ZNF804B: variants seen among roughly 807,000 people sequenced by gnomAD.
The protein encoded by ZNF804B is zinc finger protein 804B.
A neutral mutation model predicts 101.4 loss-of-function variants in ZNF804B; 80 were observed. The ratio of observed to expected loss-of-function variants is 0.79; its 90% CI spans 0.66 to 0.95. The LOEUF is 0.95. Ranked by LOEUF, ZNF804B falls within the 40% of genes least tolerant of loss-of-function variation. The pLI, the probability that ZNF804B is intolerant of heterozygous loss-of-function variation, is 0.00. For missense variants in ZNF804B, 1,673 were observed against 1,561.9 expected, an observed-to-expected ratio of 1.07 and a Z score of -1.20; for synonymous variants, 622 against 558.8, an observed-to-expected ratio of 1.11 and a Z score of -1.59.
In ZNF804B at chr7:88,903,942, A is replaced by C. The variant is rs1212258964; in HGVS notation, c.108+143858A>C. 2.6e-5 allele frequency among the ~76,000 whole-genome samples: 4 copies of C among 152,116 alleles called. No individual in the cohort carries two copies. The East Asian group carries it at 7.7e-4, about 29-fold the overall frequency. On this transcript the variant is annotated intron_variant, in intron 1 of 3. Transcript: ENST00000333190. ...AGTTTCTATTGTTGTGCAGAAGCTC[A>C]GAAAAAGAGCTTAACTAGGTCCCAC...
At chr7:89,168,453 ATTTT>A (rs1791175201) in intron 1 of ZNF804B, among the ~76,000 whole-genome samples, 1 of 152,026 alleles carries the variant, frequency 6.6e-6, no homozygotes, top group Non-Finnish European at 1.5e-5. Context: ...AAGATACTTA[ATTTT>A]TATTTATTTT....
intron 2 of ZNF804B, among the ~76,000 whole-genome samples, chr7:89,234,773 TAGC>T (rs926966758): frequency 1.9e-4 from 29 of 152,272 alleles, no homozygotes; most frequent in African/African-American, 7.0e-4. Context: ...TGACTTGAAT[TAGC>T]AGCCTCCTGG....
chr7:88,933,174 A>G (rs1792914939), intron 1 of ZNF804B, among the ~76,000 whole-genome samples: 1 of 151,952 alleles, frequency 6.6e-6, no homozygotes, highest in African/African-American at 2.4e-5. Flanking sequence ...ATGTCACATA[A>G]AGAGAATTAA....
At chr7:88,872,423 A>G (rs1474686910) in intron 1 of ZNF804B, among the ~76,000 whole-genome samples, 3 of 152,122 alleles carry the variant, frequency 2.0e-5, no homozygotes, top group African/African-American at 7.2e-5. Flanking sequence ...TCCCTAAAAG[A>G]AAAAAATAAA....
At chr7:88,786,056 G>T (rs965208895) in intron 1 of ZNF804B, among the ~76,000 whole-genome samples, 3 of 152,132 alleles carry the variant, frequency 2.0e-5, no homozygotes, top group Non-Finnish European at 4.4e-5. Context: ...TTTTGCTTAT[G>T]ATTGTACCCC....
At chr7:89,052,029 T>G (rs1355666841) in intron 1 of ZNF804B, among the ~76,000 whole-genome samples, 1 of 152,178 alleles carries the variant, frequency 6.6e-6, no homozygotes, top group Non-Finnish European at 1.5e-5. Context: ...ACTTAAAGGT[T>G]TTTTTGTTGT....
intron 1 of ZNF804B, among the ~76,000 whole-genome samples, chr7:88,767,784 G>A (rs1011898013): frequency 6.6e-6 from 1 of 152,130 alleles, no homozygotes; most frequent in African/African-American, 2.4e-5. Flanking sequence ...TTCTACTATT[G>A]TCCACTTATA....
chr7:89,264,568 A>C (rs1224904613), intron 2 of ZNF804B, among the ~76,000 whole-genome samples: 1 of 151,936 alleles, frequency 6.6e-6, no homozygotes, highest in African/African-American at 2.4e-5. Flanking sequence ...CTTCTGATTG[A>C]CTGTTTCTTC....
chr7:89,083,367 A>T (rs1012257818), intron 1 of ZNF804B, among the ~76,000 whole-genome samples: 1 of 151,820 alleles, frequency 6.6e-6, no homozygotes, highest in African/African-American at 2.4e-5. Flanking sequence ...ATCTGTTAAT[A>T]ATTTCTGTTC....
chr7:89,259,366 C>T (rs879684435), intron 2 of ZNF804B, among the ~76,000 whole-genome samples: 7 of 152,124 alleles, frequency 4.6e-5, no homozygotes, highest in Admixed American at 4.6e-4. Flanking sequence ...TTATGATTTC[C>T]TTGATTGGCT....
intron 1 of ZNF804B, among the ~76,000 whole-genome samples, chr7:88,827,837 A>G (rs1176113026): frequency 3.9e-5 from 6 of 152,132 alleles, no homozygotes; most frequent in East Asian, 3.9e-4. Flanking sequence ...CAAATAGTTA[A>G]TAAGTCTTGT....
At chr7:88,926,941 A>G (rs62464067) in intron 1 of ZNF804B, among the ~76,000 whole-genome samples, 14,076 of 81,912 alleles carry the variant, frequency 0.17, 1,539 homozygotes, top group African/African-American at 0.43. Flanking sequence ...GGTGGTGGGG[A>G]GCGGGGGGAA....
intron 1 of ZNF804B, among the ~76,000 whole-genome samples, chr7:88,782,105 G>C (rs537529782): frequency 9.4e-5 from 7 of 74,816 alleles, no homozygotes; most frequent in Admixed American, 3.3e-4. Flanking sequence ...GTGAGTGCGT[G>C]TGTGTGTGTG....
intron 1 of ZNF804B, among the ~76,000 whole-genome samples, chr7:88,877,926 G>A (rs192858864): frequency 1.7e-3 from 261 of 152,150 alleles, no homozygotes; most frequent in African/African-American, 5.7e-3. Flanking sequence ...TACAAAAATA[G>A]AGGTTTTGAG....
chr7:88,960,829 G>A (rs1301843010), intron 1 of ZNF804B, among the ~76,000 whole-genome samples: 1 of 151,278 alleles, frequency 6.6e-6, no homozygotes, highest in African/African-American at 2.4e-5. Flanking sequence ...ACATGGTGTA[G>A]CTGTTTTTGG....
chr7:88,837,643 C>T (rs1791234323), intron 1 of ZNF804B, among the ~76,000 whole-genome samples: 1 of 151,832 alleles, frequency 6.6e-6, no homozygotes, highest in Non-Finnish European at 1.5e-5. Context: ...TTTAATAAGT[C>T]ACCAATTGTC....
In ZNF804B at chr7:89,336,151, A is replaced by C; in HGVS notation, c.3169A>C (p.Ser1057Arg). The C allele has an allele frequency of 6.2e-7, 1 of 1,613,972 alleles. No homozygotes were observed. The highest frequency in any genetic ancestry group is 2.2e-5 in the East Asian group (1 of 44,850). Reference protein sequence around the residue: ...TTKEQSKPLISEIQPFIQSCD... With the variant: ...TTKEQSKPLIREIQPFIQSCD... ...AAAAGAACAATCAAAACCTTTAATT[A>C]GTGAAATCCAACCTTTTATTCAAAG... Residue 1057 changes from serine to arginine, a missense_variant, in exon 4 of 4, where the codon AGT becomes CGT. Ser to Arg is a moderately radical substitution (Grantham distance 110). Transcript: ENST00000333190.
At chr7:89,036,093 T>C (rs1788923058) in intron 1 of ZNF804B, among the ~76,000 whole-genome samples, 1 of 149,452 alleles carries the variant, frequency 6.7e-6, no homozygotes, top group South Asian at 2.1e-4. Flanking sequence ...CCTGCAGTGC[T>C]CACTGCAATT....
chr7:89,203,522 A>C (rs1030245719), intron 1 of ZNF804B, among the ~76,000 whole-genome samples: 1 of 152,132 alleles, frequency 6.6e-6, no homozygotes, highest in African/African-American at 2.4e-5. Context: ...GCTTAAAGTT[A>C]GTATTTTAGA....
Sources: allele counts gnomAD v4.1 joint callset (sites outside exome capture counted in the v4.1 genomes callset), GRCh38; gene constraint gnomAD v4.1.1; transcripts MANE v1.5; gene names NCBI Gene and HGNC (gene_info 2026-07-23, HGNC 2026-07-21).